Variants in MYO18B observed in about 807,000 individuals in gnomAD.
MYO18B encodes unconventional myosin-XVIIIb.
In MYO18B, 204 loss-of-function variants were observed where a neutral mutation model predicts 273.0. That is an observed-to-expected ratio of 0.75 (90% CI 0.67 to 0.84). The LOEUF (loss-of-function observed/expected upper bound fraction) is 0.84, where lower values mean the gene tolerates loss of function less well. Ranked by LOEUF, MYO18B falls within the 40% of genes least tolerant of loss-of-function variation. The pLI is 0.00. For synonymous variants in MYO18B, 1,330 were observed against 1,305.7 expected (o/e 1.02, Z -0.40); for missense variants, 3,212 against 3,287.6 (o/e 0.98, Z 0.56).
chr22:25,816,314 A>G (rs1315653968), intron 12 of MYO18B, among the ~76,000 whole-genome samples: 7 of 152,186 alleles, frequency 4.6e-5, no homozygotes, highest in Admixed American at 4.6e-4. Context: ...GTTGCCTGTT[A>G]TGCATCCTGC....
At chr22:26,053,405 G>C in the MYO18B span, among the ~76,000 whole-genome samples, 5 of 152,314 alleles carry the variant, frequency 3.3e-5, no homozygotes, top group African/African-American at 1.2e-4. Context: ...AAGTGGTTCA[G>C]CATTTTTTGC....
intron 11 of MYO18B, among the ~76,000 whole-genome samples, chr22:25,793,811 C>T (rs2087782539): frequency 6.6e-6 from 1 of 152,308 alleles, no homozygotes; most frequent in South Asian, 2.1e-4. Context: ...AAACCCTGGG[C>T]ATCTTACAAT....
Position 25,823,695 on chromosome 22 carries a change from T to C in MYO18B, c.2695+17T>C, listed in dbSNP as rs1450950329. ...CCAGCTCAGGTACATGGCTGCTGCC[T>C]CTTTGGGTGAGCTGGGCCCCCCTCT... On this transcript the variant is annotated intron_variant, in intron 13 of 43. Transcript: ENST00000335473. The C allele has an allele frequency of 1.2e-6, 2 of 1,613,380 alleles. No individual in the cohort carries two copies.
At chr22:25,797,342 C>A (rs529189348) in intron 11 of MYO18B, among the ~76,000 whole-genome samples, 12 of 152,280 alleles carry the variant, frequency 7.9e-5, no homozygotes, top group African/African-American at 2.9e-4. Context: ...TTAAATTGGC[C>A]AACTCTGCCT....
At chr22:25,914,689 T>TTTTC (rs2092228740) in intron 33 of MYO18B, among the ~76,000 whole-genome samples, 1 of 107,260 alleles carries the variant, frequency 9.3e-6, no homozygotes, top group African/African-American at 3.9e-5. Context: ...TTTGACTCTT[T>TTTTC]TTTTTTTTTT....
At chr22:25,947,585 C>T (rs1273653972) in intron 35 of MYO18B, 127 bp from the exon 36 acceptor site, 5 of 652,260 alleles carry the variant, frequency 7.7e-6, no homozygotes, top group African/African-American at 7.2e-5. Flanking sequence ...ACCACAGCCA[C>T]TCTTAAACAT....
chr22:25,806,216 C>T (rs918858624), intron 12 of MYO18B, among the ~76,000 whole-genome samples: 6 of 152,198 alleles, frequency 3.9e-5, no homozygotes, highest in African/African-American at 1.4e-4. Context: ...TGCACTTAAT[C>T]ACATTGGCAG....
chr22:25,752,438 C>T (rs7287884), intron 1 of MYO18B, among the ~76,000 whole-genome samples: 46,906 of 150,786 alleles, frequency 0.31, 7,653 homozygotes, highest in South Asian at 0.42. Context: ...CCGCCCGCCT[C>T]GGCCTCACAA....
At chr22:25,810,660 T>A (rs2088707886) in intron 12 of MYO18B, among the ~76,000 whole-genome samples, 2 of 151,114 alleles carry the variant, frequency 1.3e-5, no homozygotes, top group Non-Finnish European at 2.9e-5. Context: ...GGTCTCAAAT[T>A]CCTGGCCTCC....
At chr22:25,991,431 G>A (rs968731115) in intron 39 of MYO18B, among the ~76,000 whole-genome samples, 3 of 152,158 alleles carry the variant, frequency 2.0e-5, no homozygotes, top group Non-Finnish European at 4.4e-5. Context: ...CCCAAGTTGC[G>A]ACTGCCAAAA....
intron 37 of MYO18B, 69 bp from the exon 38 acceptor site, chr22:25,952,217 G>A (rs2092800506): frequency 1.3e-6 from 2 of 1,556,562 alleles, no homozygotes; most frequent in Admixed American, 1.9e-5. Flanking sequence ...CCCAGGCTGG[G>A]TCCTGCACAT....
At chr22:25,918,395 T>C (rs558484008) in intron 33 of MYO18B, among the ~76,000 whole-genome samples, 1 of 152,378 alleles carries the variant, frequency 6.6e-6, no homozygotes, top group South Asian at 2.1e-4. Context: ...ACAACAACAC[T>C]AAACATCATG....
At position 25,798,037 on chromosome 22, in the gene MYO18B, C is replaced by CG. The variant is rs768938397; in HGVS notation, c.2464dup (p.Ala822GlyfsTer29). ...GCTCGGCATCTCAGAGAGCGAGCAG[C>CG]GGGCTGTTTGGCGGGTCCTGGCAGC... On this transcript the variant is annotated frameshift_variant, in exon 12 of 44. Coordinates refer to ENST00000335473, the MANE Select transcript of MYO18B (RefSeq NM_032608.7). LOFTEE classifies it high-confidence loss of function. 1.2e-6 allele frequency: 2 copies of CG among 1,612,856 alleles called. No homozygotes were observed. The highest frequency in any genetic ancestry group is 2.7e-5 in the African/African-American group (2 of 74,926).
At chr22:25,837,580 A>G (rs1372589103) in intron 17 of MYO18B, among the ~76,000 whole-genome samples, 1 of 152,230 alleles carries the variant, frequency 6.6e-6, no homozygotes, top group Non-Finnish European at 1.5e-5. Context: ...CCAACCATCC[A>G]GTGAGTGAGC....
intron 14 of MYO18B, among the ~76,000 whole-genome samples, chr22:25,828,556 T>C (rs1461318847): frequency 6.6e-6 from 1 of 151,992 alleles, no homozygotes; most frequent in Non-Finnish European, 1.5e-5. Flanking sequence ...GTTTAATTCC[T>C]TTAGTCCTTA....
chr22:25,839,016 GC>G (rs1323452863), intron 17 of MYO18B, among the ~76,000 whole-genome samples: 2 of 151,750 alleles, frequency 1.3e-5, no homozygotes, highest in African/African-American at 2.4e-5. Flanking sequence ...ATGTGTGTGT[GC>G]ACCTGTGTGT....
Position 25,902,731 on chromosome 22 carries a change from C to G in MYO18B, c.4942C>G (p.Leu1648Val). 1 of 1,581,800 alleles carries G rather than the reference C, an allele frequency of 6.3e-7. No homozygotes were observed. Among genetic ancestry groups the G allele is most frequent in the Non-Finnish European group, 8.6e-7 (1 of 1,163,170 alleles). ...GGAGCTAGGCCAGCTTCAGCAGCAG[C>G]TGAAGGTAAGGGATGGGGGACACAG... Reference protein sequence around the residue: ...RWELGQLQQQLKQKEQEASQL... With the variant: ...RWELGQLQQQVKQKEQEASQL... The change falls in exon 30 of 44, where the codon CTG (leucine) becomes GTG (valine). Residue 1648 changes from leucine to valine, a missense_variant. Leu to Val is a conservative substitution (Grantham distance 32, BLOSUM62 1). Transcript: ENST00000335473.
rs201446223 is a variant in MYO18B, at chr22:25,921,365, A to G, written c.5473A>G (p.Lys1825Glu). The G allele has an allele frequency of 2.8e-5, 44 of 1,597,716 alleles. No individual in the cohort carries two copies. Among genetic ancestry groups the G allele is most frequent in the Non-Finnish European group, 3.7e-5 (43 of 1,172,266 alleles). ...CCTTCTGGGCACCATGGAGGATGGC[A>G]AGACATCAGTCAGCAAGGAGGAGCT... ...QLLLGTMEDGKTSVSKEELEK... is the reference protein window; with the variant it reads ...QLLLGTMEDGETSVSKEELEK... The change falls in exon 34 of 44, where the codon AAG (lysine) becomes GAG (glutamate). Residue 1825 changes from lysine (K) to glutamate (E), a missense_variant. Lys to Glu is a moderately conservative substitution (Grantham distance 56). Transcript: ENST00000335473.
At chr22:25,933,489 C>T (rs1601612116) in intron 34 of MYO18B, among the ~76,000 whole-genome samples, 1 of 152,188 alleles carries the variant, frequency 6.6e-6, no homozygotes, top group Non-Finnish European at 1.5e-5. Context: ...CCATGTTTCT[C>T]GTTAGAGAAA....
Sources: allele counts gnomAD v4.1 joint callset (sites outside exome capture counted in the v4.1 genomes callset), GRCh38; gene constraint gnomAD v4.1.1; transcripts MANE v1.5; gene names NCBI Gene and HGNC (gene_info 2026-07-23, HGNC 2026-07-21).